Variants in CSMD3 observed in about 807,000 individuals in gnomAD.
CSMD3 encodes CUB and sushi domain-containing protein 3.
A neutral mutation model predicts 435.2 loss-of-function variants in CSMD3; 177 were observed. The observed-to-expected ratio is 0.41, with a 90% CI of 0.36 to 0.46. CSMD3 has a LOEUF of 0.46. CSMD3 is among the 20% of genes least tolerant of loss of function. The pLI, the probability that CSMD3 is intolerant of heterozygous loss-of-function variation, is 0.34. For missense variants in CSMD3, 4,265 were observed against 4,504.6 expected, an observed-to-expected ratio of 0.95 and a Z score of 1.52; for synonymous variants, 1,656 against 1,520.5, an observed-to-expected ratio of 1.09 and a Z score of -2.07.
At chr8:113,289,600 T>A (rs2093671633) in intron 2 of CSMD3, among the ~76,000 whole-genome samples, 1 of 150,076 alleles carries the variant, frequency 6.7e-6, no homozygotes, top group Non-Finnish European at 1.5e-5. Flanking sequence ...AATACATCTG[T>A]GTCTTTAGTA....
intron 4 of CSMD3, among the ~76,000 whole-genome samples, chr8:113,115,860 T>G (rs2090809605): frequency 6.6e-6 from 1 of 152,190 alleles, no homozygotes; most frequent in Admixed American, 6.6e-5. Flanking sequence ...GGGGCCCTTT[T>G]GTAGGTGATT....
intron 7 of CSMD3, among the ~76,000 whole-genome samples, chr8:112,963,484 T>C (rs1204884111): frequency 6.6e-6 from 1 of 151,994 alleles, no homozygotes; most frequent in Non-Finnish European, 1.5e-5. Flanking sequence ...TGACCACCAT[T>C]ATACTTCAAA....
chr8:112,336,624 T>C, intron 44 of CSMD3, 28 bp downstream of exon 44: 1 of 1,515,060 alleles, frequency 6.6e-7, no homozygotes, highest in African/African-American at 1.4e-5. Flanking sequence ...TATAATTGAA[T>C]AAATCAATAA....
chr8:113,106,214 T>G (rs1019197309), intron 4 of CSMD3, among the ~76,000 whole-genome samples: 1 of 152,060 alleles, frequency 6.6e-6, no homozygotes, highest in Non-Finnish European at 1.5e-5. Context: ...TATTTACTAT[T>G]TAGCCCTTTT....
rs1322393835 is a variant in CSMD3 at position 112,506,904 on chromosome 8, A to G, written c.4757-75T>C. On this transcript the variant is annotated intron_variant, in intron 28 of 70. Coordinates refer to ENST00000297405, the MANE Select transcript of CSMD3 (RefSeq NM_198123.2). ...ATTAGCTATCAATATTTTTGAAATC[A>G]CGTCTCTAAAAGAGCTTATGAGGCT... is the stretch of plus-strand genomic sequence containing the variant. The G allele has an allele frequency of 2.2e-6, 3 of 1,350,608 alleles. No individual in the cohort carries two copies. In the East Asian group the frequency reaches 7.5e-5, roughly 34 times the overall value. The allele number at this position is 1,350,608 out of a possible 1,614,324, so 83.7% of individuals were successfully genotyped here.
At chr8:113,345,022 T>C (rs1306850679) in intron 1 of CSMD3, among the ~76,000 whole-genome samples, 1 of 152,132 alleles carries the variant, frequency 6.6e-6, no homozygotes, top group African/African-American at 2.4e-5. Flanking sequence ...TACTGTTGCC[T>C]GTTTCTTCAA....
At chr8:113,386,985 T>A (rs1316032442) in intron 1 of CSMD3, among the ~76,000 whole-genome samples, 4 of 151,804 alleles carry the variant, frequency 2.6e-5, no homozygotes, top group Non-Finnish European at 3.0e-5. Context: ...TTCAGATTTT[T>A]AAAACTAAAC....
chr8:113,180,738 T>A (rs558804156), intron 3 of CSMD3, among the ~76,000 whole-genome samples: 1 of 152,178 alleles, frequency 6.6e-6, no homozygotes, highest in East Asian at 1.9e-4. Context: ...GATTTAAACT[T>A]GTTTTAATAA....
At chr8:113,253,588 T>C (rs2093352980) in intron 3 of CSMD3, among the ~76,000 whole-genome samples, 1 of 151,972 alleles carries the variant, frequency 6.6e-6, no homozygotes, top group African/African-American at 2.4e-5. Flanking sequence ...ACGCTTGTAA[T>C]CCCAGCACTT....
intron 1 of CSMD3, among the ~76,000 whole-genome samples, chr8:113,396,222 A>G (rs566900128): frequency 6.6e-6 from 1 of 152,294 alleles, no homozygotes; most frequent in East Asian, 1.9e-4. Flanking sequence ...TTAAGTAATG[A>G]CATAATATTA....
In CSMD3 at chr8:113,231,305, A is replaced by C. The variant is rs2093083290; in HGVS notation, c.514+47287T>G. 2.0e-5 allele frequency among the ~76,000 whole-genome samples: 3 copies of C among 151,300 alleles called. No individual in the cohort carries two copies. In the Admixed American group the frequency reaches 2.0e-4, roughly 10 times the overall value. ...TCTTGTATCAAATAATTAACTACTCAAGGATATTTCCTACTAGATGAAAAT... is the reference window on the plus strand; with the variant it reads ...TCTTGTATCAAATAATTAACTACTCCAGGATATTTCCTACTAGATGAAAAT... On this transcript the variant is annotated intron_variant, in intron 3 of 70. Coordinates refer to ENST00000297405, the MANE Select transcript of CSMD3 (RefSeq NM_198123.2).
chr8:112,760,281 A>G (rs1027099817), intron 13 of CSMD3, among the ~76,000 whole-genome samples: 2 of 152,206 alleles, frequency 1.3e-5, no homozygotes, highest in East Asian at 3.9e-4. Context: ...AGTCACTGAC[A>G]GGGACTAGGA....
At position 112,302,086 on chromosome 8, in the gene CSMD3, C is replaced by A. The variant is rs79158577; in HGVS notation, c.8267-120G>T. 1.5e-4 allele frequency: 108 copies of A among 730,570 alleles called. 1 individual carries two copies. In the East Asian group the frequency reaches 2.5e-3, roughly 17 times the overall value. The allele number at this position is 730,570 out of a possible 1,614,324, so 45.3% of individuals were successfully genotyped here. A position where few individuals can be genotyped will look rare whatever the true frequency, so the allele number is the denominator to read the frequency against. ...TTGATGTATTTACAAAGGAAATTGG[C>A]ATTTGTAAAACATGTTTGAATGAGT... On this transcript the variant is annotated intron_variant, in intron 52 of 70. Transcript: ENST00000297405.
intron 40 of CSMD3, among the ~76,000 whole-genome samples, chr8:112,349,250 A>AAG (rs1276988311): frequency 2.6e-5 from 4 of 152,152 alleles, no homozygotes; most frequent in African/African-American, 9.6e-5. Context: ...GCTATGTGTC[A>AAG]AGAATCAAAA....
intron 4 of CSMD3, among the ~76,000 whole-genome samples, chr8:113,154,675 T>C (rs2091897614): frequency 6.6e-6 from 1 of 151,982 alleles, no homozygotes; most frequent in South Asian, 2.1e-4. Flanking sequence ...AGATGCATAG[T>C]GCAGAGAGTG....
chr8:112,255,236 G>A lies in CSMD3; in HGVS notation c.10036+18C>T, dbSNP rs1480451754. On this transcript the variant is annotated intron_variant, in intron 62 of 70. Transcript: ENST00000297405. Reference sequence around the variant, plus strand: ...ATTACACAGTTACTGTGCATAATCAGCCTTTAATTAATATTACCTATGCAG... The same window carrying A: ...ATTACACAGTTACTGTGCATAATCAACCTTTAATTAATATTACCTATGCAG... 2 of 1,595,138 alleles carry A rather than the reference G, an allele frequency of 1.3e-6. No individual in the cohort carries two copies. The highest frequency in any genetic ancestry group is 1.7e-5 in the Admixed American group (1 of 59,902).
intron 12 of CSMD3, among the ~76,000 whole-genome samples, chr8:112,810,500 A>G (rs2079196023): frequency 6.6e-6 from 1 of 152,246 alleles, no homozygotes; most frequent in African/African-American, 2.4e-5. Flanking sequence ...GTAAATGTCT[A>G]TTATTTGCAG....
chr8:113,187,489 G>T (rs1048895333), intron 3 of CSMD3, among the ~76,000 whole-genome samples: 1 of 151,928 alleles, frequency 6.6e-6, no homozygotes. Flanking sequence ...GGAAAATACT[G>T]GAAACTTCTG....
chr8:113,358,256 G>A (rs1017004449), intron 1 of CSMD3, among the ~76,000 whole-genome samples: 17 of 152,310 alleles, frequency 1.1e-4, no homozygotes, highest in Non-Finnish European at 2.1e-4. Flanking sequence ...AAAAACAAGT[G>A]TAGAAAATTT....
Sources: gnomAD v4.1 joint callset for allele counts (sites outside exome capture counted in the v4.1 genomes callset) on GRCh38, gnomAD v4.1.1 for gene constraint, MANE v1.5 for transcripts, NCBI Gene and HGNC (gene_info 2026-07-23, HGNC 2026-07-21) for gene names.